The following EXOC6B variants were observed in gnomAD, a reference collection of about 807,000 sequenced individuals.
EXOC6B encodes the protein exocyst complex component 6B.
A neutral mutation model predicts 113.5 loss-of-function variants in EXOC6B; 54 were observed. The ratio of observed to expected loss-of-function variants is 0.48; its 90% CI spans 0.38 to 0.60. The LOEUF (loss-of-function observed/expected upper bound fraction) is 0.60, where lower values mean the gene tolerates loss of function less well. Among genes scored for constraint, EXOC6B ranks in the 20% least tolerant of loss-of-function variants. EXOC6B has a pLI of 0.00. For synonymous variants in EXOC6B, 357 were observed against 339.0 expected (o/e 1.05, Z -0.58); for missense variants, 797 against 977.5 (o/e 0.82, Z 2.46).
chr2:72,601,608 CA>C (rs1382818478), intron 6 of EXOC6B, among the ~76,000 whole-genome samples: 2 of 152,206 alleles, frequency 1.3e-5, no homozygotes, highest in Non-Finnish European at 2.9e-5. Flanking sequence ...TTTCAAAGAA[CA>C]AAACTAAATG....
intron 18 of EXOC6B, among the ~76,000 whole-genome samples, chr2:72,399,130 TC>T (rs1174719709): frequency 6.6e-6 from 1 of 152,128 alleles, no homozygotes; most frequent in Non-Finnish European, 1.5e-5. Flanking sequence ...TGTGTTTTAT[TC>T]CAAAGATGCA....
At chr2:72,489,946 G>A (rs1163223810) in intron 16 of EXOC6B, among the ~76,000 whole-genome samples, 1 of 152,102 alleles carries the variant, frequency 6.6e-6, no homozygotes, top group Admixed American at 6.6e-5. Flanking sequence ...TAAACACTGT[G>A]TAACCCCAAA....
intron 19 of EXOC6B, among the ~76,000 whole-genome samples, chr2:72,379,431 C>G (rs1691548914): frequency 6.6e-6 from 1 of 152,056 alleles, no homozygotes; most frequent in Non-Finnish European, 1.5e-5. Context: ...GCCTTTGGAC[C>G]AATCAGGTTT....
chr2:72,492,800 C>T (rs1699819702), intron 15 of EXOC6B, among the ~76,000 whole-genome samples: 1 of 152,002 alleles, frequency 6.6e-6, no homozygotes, highest in East Asian at 1.9e-4. Flanking sequence ...GGAATGCCTT[C>T]TAAACATTCT....
At chr2:72,224,252 T>C (rs1681057946) in intron 20 of EXOC6B, among the ~76,000 whole-genome samples, 1 of 152,178 alleles carries the variant, frequency 6.6e-6, no homozygotes, top group Non-Finnish European at 1.5e-5. Flanking sequence ...AAGGTTTTGG[T>C]AAAATCAGCA....
chr2:72,254,893 T>A (rs1683260221), intron 20 of EXOC6B, among the ~76,000 whole-genome samples: 1 of 152,192 alleles, frequency 6.6e-6, no homozygotes, highest in South Asian at 2.1e-4. Flanking sequence ...TTTGCCTCAC[T>A]ATTTATGGTA....
At chr2:72,701,510 G>C (rs1678345021) in intron 6 of EXOC6B, among the ~76,000 whole-genome samples, 1 of 152,102 alleles carries the variant, frequency 6.6e-6, no homozygotes, top group Non-Finnish European at 1.5e-5. Flanking sequence ...AATATCCATG[G>C]AGAGTCTCTG....
At chr2:72,209,232 A>C (rs1680020419) in intron 20 of EXOC6B, among the ~76,000 whole-genome samples, 1 of 142,706 alleles carries the variant, frequency 7.0e-6, no homozygotes, top group Admixed American at 7.3e-5. Flanking sequence ...TCAAAAAAAA[A>C]AAAAAAAAAA....
At chr2:72,422,077 G>C (rs113779590) in intron 18 of EXOC6B, among the ~76,000 whole-genome samples, 1 of 152,200 alleles carries the variant, frequency 6.6e-6, no homozygotes, top group African/African-American at 2.4e-5. Flanking sequence ...GGCAGGGCTC[G>C]GGACCTGCAG....
chr2:72,259,230 T>A (rs1270437996), intron 20 of EXOC6B, among the ~76,000 whole-genome samples: 1 of 152,218 alleles, frequency 6.6e-6, no homozygotes, highest in African/African-American at 2.4e-5. Flanking sequence ...TTAGTTTTGT[T>A]TGATCTATGA....
At position 72,245,516 on chromosome 2, in the gene EXOC6B, T is replaced by C. The variant is rs1041059835; in HGVS notation, c.2197-61329A>G. ...ATGAGCTATCTAGCCAAAAAAGACA[T>C]GGAGCAACCTTGAAAGCATATTGGT... On this transcript the variant is annotated intron_variant, in intron 20 of 21. Coordinates refer to ENST00000272427, the MANE Select transcript of EXOC6B (RefSeq NM_015189.3). Among the ~76,000 whole-genome samples the C allele has an allele frequency of 5.3e-5, 8 of 152,154 alleles. No individual in the cohort carries two copies. In the East Asian group the frequency reaches 1.3e-3, roughly 26 times the overall value.
At chr2:72,354,470 A>C (rs1689855550) in intron 19 of EXOC6B, among the ~76,000 whole-genome samples, 1 of 152,222 alleles carries the variant, frequency 6.6e-6, no homozygotes, top group South Asian at 2.1e-4. Flanking sequence ...TTTTCTTGAC[A>C]AGGATGGCAT....
At chr2:72,718,059 A>G (rs1182522679) in intron 6 of EXOC6B, 44 bp downstream of exon 6, 8 of 1,469,534 alleles carry the variant, frequency 5.4e-6, no homozygotes, top group Non-Finnish European at 7.4e-6. Context: ...TTAACTCAAT[A>G]CTGATAAAGC....
At chr2:72,465,645 T>C (rs532855633) in intron 17 of EXOC6B, among the ~76,000 whole-genome samples, 2 of 152,310 alleles carry the variant, frequency 1.3e-5, no homozygotes, top group East Asian at 1.9e-4. Flanking sequence ...CTAAGAAGTA[T>C]GGTGAGATTA....
At chr2:72,333,042 T>C (rs1688497009) in intron 20 of EXOC6B, among the ~76,000 whole-genome samples, 1 of 152,110 alleles carries the variant, frequency 6.6e-6, no homozygotes, top group Non-Finnish European at 1.5e-5. Context: ...TTTAAGCTGC[T>C]TCAGTAGAGA....
At chr2:72,663,598 C>A (rs1019974051) in intron 6 of EXOC6B, among the ~76,000 whole-genome samples, 2 of 151,172 alleles carry the variant, frequency 1.3e-5, no homozygotes, top group Admixed American at 1.3e-4. Flanking sequence ...CCTGTGCTTA[C>A]AAAGAAATTT....
At chr2:72,626,444 A>G (rs1018063527) in intron 6 of EXOC6B, among the ~76,000 whole-genome samples, 3 of 152,184 alleles carry the variant, frequency 2.0e-5, no homozygotes, top group African/African-American at 7.2e-5. Context: ...CTCTAGATTT[A>G]AATGGGTTAT....
At chr2:72,269,085 G>A (rs1010789789) in intron 20 of EXOC6B, among the ~76,000 whole-genome samples, 1 of 151,966 alleles carries the variant, frequency 6.6e-6, no homozygotes, top group Non-Finnish European at 1.5e-5. Flanking sequence ...GATCAAACAC[G>A]ATGTTATATA....
chr2:72,539,914 A>G (rs1702503020), intron 8 of EXOC6B, among the ~76,000 whole-genome samples: 1 of 150,488 alleles, frequency 6.6e-6, no homozygotes, highest in African/African-American at 2.4e-5. Context: ...GTCATTTAGC[A>G]TTAGGTATAT....
Sources: gnomAD v4.1 joint callset for allele counts (sites outside exome capture counted in the v4.1 genomes callset) on GRCh38, gnomAD v4.1.1 for gene constraint, MANE v1.5 for transcripts, NCBI Gene and HGNC (gene_info 2026-07-23, HGNC 2026-07-21) for gene names.